The following MAPK6 variants were observed in gnomAD, a reference collection of about 807,000 sequenced individuals.
MAPK6 encodes ERK-3.
Under a neutral mutation model 59.3 loss-of-function variants are expected in MAPK6, and 19 were observed. The observed-to-expected ratio is 0.32, with a 90% CI of 0.22 to 0.47. The LOEUF is 0.47. MAPK6 is among the 20% of genes least tolerant of loss of function. The probability of loss-of-function intolerance (pLI) is 1.00; values close to 1 mark genes in which losing one functional copy is unlikely to be tolerated. For missense variants in MAPK6, 724 were observed against 847.9 expected (o/e 0.85, Z 1.81); for synonymous variants, 316 against 290.3 (o/e 1.09, Z -0.90).
intron 1 of MAPK6, among the ~76,000 whole-genome samples, chr15:52,039,963 C>G (rs1292591413): frequency 6.6e-6 from 1 of 152,174 alleles, no homozygotes; most frequent in Admixed American, 6.5e-5. Context: ...TTCCCAGGTT[C>G]CTAAGATTAT....
At chr15:52,062,870 G>GA (rs1489384691) in intron 5 of MAPK6, among the ~76,000 whole-genome samples, 1 of 148,762 alleles carries the variant, frequency 6.7e-6, no homozygotes, top group Non-Finnish European at 1.5e-5. Context: ...TTCAGAGTAG[G>GA]ATGGTAGCTT....
At chr15:51,990,653 TA>T (rs1168730237) in intron 2 of MAPK6, among the ~76,000 whole-genome samples, 1 of 151,116 alleles carries the variant, frequency 6.6e-6, no homozygotes, top group East Asian at 2.0e-4. Flanking sequence ...GTGTCTCTAC[TA>T]AAAATACAAA....
At chr15:52,060,986 G>C (rs889406602) in intron 4 of MAPK6, among the ~76,000 whole-genome samples, 3 of 152,196 alleles carry the variant, frequency 2.0e-5, no homozygotes, top group African/African-American at 7.2e-5. Flanking sequence ...GACTTGCAGA[G>C]CTAGGATTAA....
intron 3 of MAPK6, 142 bp downstream of exon 3, chr15:52,050,279 A>T (rs1229538424): frequency 1.4e-5 from 10 of 729,960 alleles, no homozygotes; most frequent in African/African-American, 7.4e-5. Context: ...CGTTTTTAAT[A>T]AAAAAATTGA....
At chr15:52,007,256 G>A (rs548449408) in intron 3 of MAPK6, among the ~76,000 whole-genome samples, 2 of 152,256 alleles carry the variant, frequency 1.3e-5, no homozygotes, top group Admixed American at 1.3e-4. Context: ...TCCTGTCCCA[G>A]CTCTGGCAGG....
chr15:51,997,505 G>A (rs2057228151), intron 2 of MAPK6, among the ~76,000 whole-genome samples: 2 of 151,286 alleles, frequency 1.3e-5, no homozygotes, highest in South Asian at 2.1e-4. Flanking sequence ...TGATCTACCC[G>A]CCTTGGCCTC....
intron 1 of MAPK6, among the ~76,000 whole-genome samples, chr15:52,038,684 T>C (rs2031322278): frequency 6.6e-6 from 1 of 152,148 alleles, no homozygotes; most frequent in African/African-American, 2.4e-5. Context: ...TGTCCTATAT[T>C]TGCTCCAATA....
At chr15:52,004,696 C>T (rs2057252500) in intron 3 of MAPK6, among the ~76,000 whole-genome samples, 1 of 152,114 alleles carries the variant, frequency 6.6e-6, no homozygotes, top group Non-Finnish European at 1.5e-5. Context: ...AGGGCAAGAA[C>T]GATCTCCAGA....
chr15:52,031,557 G>A (rs189157801), intron 1 of MAPK6, among the ~76,000 whole-genome samples: 11 of 152,266 alleles, frequency 7.2e-5, no homozygotes, highest in East Asian at 5.8e-4. Flanking sequence ...TTGACCAGGC[G>A]TGGTGGCTCA....
chr15:52,022,185 T>G (rs79505618), intron 1 of MAPK6, among the ~76,000 whole-genome samples: 1 of 152,158 alleles, frequency 6.6e-6, no homozygotes, highest in Non-Finnish European at 1.5e-5. Flanking sequence ...AAAAAAAATT[T>G]CCCACCCCAT....
At chr15:52,038,978 C>G (rs868318958) in intron 1 of MAPK6, among the ~76,000 whole-genome samples, 11 of 152,248 alleles carry the variant, frequency 7.2e-5, no homozygotes, top group African/African-American at 2.6e-4. Context: ...TTTATCTGGT[C>G]TATGAATTTT....
Position 52,064,615 on chromosome 15 carries a change from A to C in MAPK6, c.1781A>C (p.Asp594Ala), listed in dbSNP as rs759397866. 1 of 1,611,890 alleles carries C rather than the reference A, an allele frequency of 6.2e-7. No homozygotes were observed. The highest frequency in any genetic ancestry group is 8.5e-7 in the Non-Finnish European group (1 of 1,179,750). Reference sequence around the variant, plus strand: ...GAAGCCTTGTACCAGTCTTCTTGGGACAGCCAGTTTGTGAGTGGTGGGGAG... The same window carrying C: ...GAAGCCTTGTACCAGTCTTCTTGGGCCAGCCAGTTTGTGAGTGGTGGGGAG... ...QLEALYQSSW[D>A]SQFVSGGEDC... The change falls in exon 6 of 6, where the codon GAC (aspartate) becomes GCC (alanine). Residue 594 changes from aspartate to alanine, a missense_variant. Around this residue, in one of 4 missense-constraint regions of MAPK6, gnomAD observed 502 missense variants for 507.6 expected, o/e 0.99. Transcript: ENST00000261845.
At chr15:52,055,603 C>T (rs1339821823) in intron 3 of MAPK6, among the ~76,000 whole-genome samples, 1 of 152,170 alleles carries the variant, frequency 6.6e-6, no homozygotes, top group Non-Finnish European at 1.5e-5. Context: ...GAAACCTCCT[C>T]CTCCCGGGTT....
intron 2 of MAPK6, among the ~76,000 whole-genome samples, chr15:51,992,233 C>T (rs1270335059): frequency 6.6e-6 from 1 of 151,492 alleles, no homozygotes; most frequent in African/African-American, 2.4e-5. Context: ...GGTGGGCTTA[C>T]AGGCATGAGC....
At chr15:51,999,291 G>A (rs558649977) in intron 2 of MAPK6, among the ~76,000 whole-genome samples, 5 of 152,204 alleles carry the variant, frequency 3.3e-5, no homozygotes, top group South Asian at 2.1e-4. Context: ...GAGCCACCGC[G>A]CCCAGCCTCC....
intron 1 of MAPK6, chr15:52,021,652 T>A (rs1296123660): frequency 1.3e-5 from 2 of 152,294 alleles, no homozygotes; most frequent in African/African-American, 4.8e-5. Flanking sequence ...TGTTACAGGT[T>A]GTTTATAAAG....
intron 1 of MAPK6, among the ~76,000 whole-genome samples, chr15:52,035,789 T>A (rs2031223331): frequency 6.6e-6 from 1 of 152,228 alleles, no homozygotes; most frequent in South Asian, 2.1e-4. Flanking sequence ...GTCAGTGGAT[T>A]CCTGGTTCTG....
chr15:51,997,700 C>A (rs937554924), intron 2 of MAPK6, among the ~76,000 whole-genome samples: 5 of 149,978 alleles, frequency 3.3e-5, no homozygotes, highest in African/African-American at 1.2e-4. Context: ...AAGCGATTCT[C>A]CTGCCTCAGC....
At position 52,065,655 on chromosome 15, in the gene MAPK6, T is replaced by A. The variant is rs2032389880; in HGVS notation, c.*655T>A. On this transcript the variant is annotated 3_prime_UTR_variant, in exon 6 of 6. Transcript: ENST00000261845. Reference sequence around the variant, plus strand: ...TTCTTTATAGTGAAGTGTTAATACATCACATCTTATTTATTTTAGCAAATC... The same window carrying A: ...TTCTTTATAGTGAAGTGTTAATACAACACATCTTATTTATTTTAGCAAATC... 6.6e-6 allele frequency: 1 copy of A among 152,664 alleles called. No individual in the cohort carries two copies. Among genetic ancestry groups the A allele is most frequent in the Non-Finnish European group, 1.5e-5 (1 of 68,034 alleles). The allele number at this position is 152,664 out of a possible 1,614,324, so 9.5% of individuals were successfully genotyped here.
Sources: allele counts gnomAD v4.1 joint callset (sites outside exome capture counted in the v4.1 genomes callset), GRCh38; gene constraint gnomAD v4.1.1; regional missense constraint gnomAD v4.1.1; transcripts MANE v1.5; gene names NCBI Gene and HGNC (gene_info 2026-07-23, HGNC 2026-07-21).